Variants in PARN observed in about 807,000 individuals in gnomAD.
PARN encodes the protein poly(A)-specific ribonuclease PARN.
Under a neutral mutation model 102.8 loss-of-function variants are expected in PARN, and 71 were observed. That is an observed-to-expected ratio of 0.69 (90% CI 0.57 to 0.84). The LOEUF (loss-of-function observed/expected upper bound fraction) is 0.84, where lower values mean the gene tolerates loss of function less well. Ranked by LOEUF, PARN falls within the 40% of genes least tolerant of loss-of-function variation. The pLI is 0.00. For missense variants in PARN, 782 were observed against 760.9 expected (o/e 1.03, Z -0.33); for synonymous variants, 261 against 252.9 (o/e 1.03, Z -0.30).
At chr16:14,602,308 C>T (rs1970922595) in intron 11 of PARN, among the ~76,000 whole-genome samples, 1 of 152,036 alleles carries the variant, frequency 6.6e-6, no homozygotes, top group Non-Finnish European at 1.5e-5. Context: ...CATTTAAATG[C>T]TGTTGATCCT....
chr16:14,480,823 C>G (rs536503141), intron 22 of PARN, among the ~76,000 whole-genome samples: 44 of 152,086 alleles, frequency 2.9e-4, no homozygotes, highest in African/African-American at 1.1e-3. Flanking sequence ...CATCTGTAGT[C>G]GCAGCTTCTC....
chr16:14,539,869 A>G (rs539606718), intron 21 of PARN, among the ~76,000 whole-genome samples: 6 of 152,364 alleles, frequency 3.9e-5, no homozygotes, highest in Admixed American at 2.6e-4. Flanking sequence ...TTGCGTCTGT[A>G]CTGAACACAC....
At chr16:14,497,258 T>C (rs1467381935) in intron 21 of PARN, among the ~76,000 whole-genome samples, 1 of 152,136 alleles carries the variant, frequency 6.6e-6, no homozygotes, top group Non-Finnish European at 1.5e-5. Flanking sequence ...ACACAGCTCA[T>C]TGACACCCAC....
rs1464053074 is a variant in PARN at position 14,519,291 on chromosome 16, GAGGGGAGGGGAGGGAAGGGA to G, written c.1480+32710_1480+32729del. On this transcript the variant is annotated intron_variant, in intron 21 of 23. Transcript: ENST00000437198. ...GGGGAGGGGAGAGGAGAGAGGAAGG[GAGGGGAGGGGAGGGAAGGGA>G]AGGGGAGGGGAGGGGACGTGAGTGG... Among the ~76,000 whole-genome samples, 19 of 121,776 alleles carry G rather than the reference GAGGGGAGGGGAGGGAAGGGA, an allele frequency of 1.6e-4. 1 individual carries two copies. In the East Asian group the frequency reaches 2.9e-3, roughly 19 times the overall value. The allele number at this position is 121,776 out of a possible 152,430, so 79.9% of individuals were successfully genotyped here.
chr16:14,499,234 AG>A (rs1449572752), intron 21 of PARN, among the ~76,000 whole-genome samples: 1 of 152,226 alleles, frequency 6.6e-6, no homozygotes, highest in Non-Finnish European at 1.5e-5. Context: ...GGAGCAGGTT[AG>A]GCTGCTAGGA....
Position 14,444,227 on chromosome 16 carries a change from C to T in PARN, c.1864+2661G>A, listed in dbSNP as rs143963335. Among the ~76,000 whole-genome samples, 304 of 152,150 alleles carry T rather than the reference C, an allele frequency of 2.0e-3. 4 individuals carry two copies. In the South Asian group the frequency reaches 0.031, roughly 15 times the overall value. ...ACCTGGCACCGTCAGGGGTCTTGCT[C>T]GATGAATGGTGCTCCAGAAGAAAGC... On this transcript the variant is annotated intron_variant, in intron 23 of 23. Coordinates refer to ENST00000437198, the MANE Select transcript of PARN (RefSeq NM_002582.4).
intron 5 of PARN, among the ~76,000 whole-genome samples, chr16:14,620,757 T>C (rs1972245446): frequency 6.6e-6 from 1 of 152,164 alleles, no homozygotes; most frequent in African/African-American, 2.4e-5. Context: ...GCTATACTAA[T>C]CCTGAGTTCT....
intron 22 of PARN, among the ~76,000 whole-genome samples, chr16:14,448,623 A>G (rs188758078): frequency 6.6e-6 from 1 of 152,080 alleles, no homozygotes; most frequent in Non-Finnish European, 1.5e-5. Context: ...CACATAAAAA[A>G]CTCTGGCTAC....
chr16:14,609,045 C>G lies in PARN; in HGVS notation c.620+13G>C. 1 of 1,517,840 alleles carries G rather than the reference C, an allele frequency of 6.6e-7. No homozygotes were observed. 94.0% of individuals were successfully genotyped at this position (1,517,840 alleles called of 1,614,324 possible). On this transcript the variant is annotated intron_variant, in intron 8 of 23. Coordinates refer to ENST00000437198, the MANE Select transcript of PARN (RefSeq NM_002582.4). Reference sequence around the variant, plus strand: ...CAAAAAAAGGACATGCAGAAATGTTCAGGACAACTAACCCGGTACATGGCT... The same window carrying G: ...CAAAAAAAGGACATGCAGAAATGTTGAGGACAACTAACCCGGTACATGGCT...
chr16:14,615,189 G>C lies in PARN; in HGVS notation c.388+2401C>G, dbSNP rs1452330856. ...TCAACAACGGCATGGGATGAGGCTT[G>C]GTAGTATGGATGACCTGGGAGTCCT... On this transcript the variant is annotated intron_variant, in intron 6 of 23. Coordinates refer to ENST00000437198, the MANE Select transcript of PARN (RefSeq NM_002582.4). 3.3e-5 allele frequency among the ~76,000 whole-genome samples: 5 copies of C among 152,242 alleles called. No homozygotes were observed. In the East Asian group the frequency reaches 7.7e-4, roughly 24 times the overall value.
chr16:14,583,756 A>T (rs980141667), intron 16 of PARN, among the ~76,000 whole-genome samples: 2 of 152,184 alleles, frequency 1.3e-5, no homozygotes, highest in African/African-American at 2.4e-5. Flanking sequence ...TCAGCAGCAC[A>T]ATCAGGTTAA....
intron 18 of PARN, among the ~76,000 whole-genome samples, chr16:14,570,482 T>C (rs1292542663): frequency 6.6e-6 from 1 of 151,188 alleles, no homozygotes; most frequent in East Asian, 1.9e-4. Context: ...AAACCCTGTC[T>C]CTACTAAAAG....
intron 21 of PARN, among the ~76,000 whole-genome samples, chr16:14,503,845 C>G (rs193238195): frequency 1.1e-4 from 16 of 152,314 alleles, no homozygotes; most frequent in South Asian, 8.3e-4. Flanking sequence ...ATAAGGAGAA[C>G]TGGAATACAA....
At chr16:14,540,344 T>A (rs1966792969) in intron 21 of PARN, among the ~76,000 whole-genome samples, 1 of 152,220 alleles carries the variant, frequency 6.6e-6, no homozygotes, top group Admixed American at 6.5e-5. Context: ...TATTGAATAT[T>A]TTGTGCATTT....
intron 22 of PARN, among the ~76,000 whole-genome samples, chr16:14,450,101 T>C (rs914401673): frequency 6.6e-6 from 1 of 152,188 alleles, no homozygotes; most frequent in African/African-American, 2.4e-5. Context: ...CAACAGTACA[T>C]ACAATCAATG....
At chr16:14,593,619 A>G (rs567110636) in intron 12 of PARN, among the ~76,000 whole-genome samples, 1 of 151,350 alleles carries the variant, frequency 6.6e-6, no homozygotes, top group East Asian at 1.9e-4. Context: ...CTTTGATGTC[A>G]CTGATCTTTT....
At chr16:14,506,319 G>A (rs1237316819) in intron 21 of PARN, among the ~76,000 whole-genome samples, 1 of 152,202 alleles carries the variant, frequency 6.6e-6, no homozygotes, top group African/African-American at 2.4e-5. Context: ...ACAAGACTTT[G>A]ACTGGAGCTT....
At chr16:14,616,793 A>C (rs149481397) in intron 6 of PARN, among the ~76,000 whole-genome samples, 2 of 152,248 alleles carry the variant, frequency 1.3e-5, no homozygotes, top group African/African-American at 4.8e-5. Context: ...ATAAAAAATA[A>C]ACATAAAAAA....
chr16:14,537,532 TA>T (rs768774171), intron 21 of PARN, among the ~76,000 whole-genome samples: 3 of 152,234 alleles, frequency 2.0e-5, no homozygotes, highest in East Asian at 3.9e-4. Context: ...GGAATCAACC[TA>T]AATGTTCATC....
Sources: gnomAD v4.1 joint callset for allele counts (sites outside exome capture counted in the v4.1 genomes callset) on GRCh38, gnomAD v4.1.1 for gene constraint, MANE v1.5 for transcripts, NCBI Gene and HGNC (gene_info 2026-07-23, HGNC 2026-07-21) for gene names.